FHIT: variants seen among roughly 807,000 people sequenced by gnomAD.
FHIT encodes the protein fragile histidine triad diadenosine triphosphatase, also known as bis(5'-adenosyl)-triphosphatase.
Under a neutral mutation model 17.9 loss-of-function variants are expected in FHIT, and 19 were observed. The ratio of observed to expected loss-of-function variants is 1.06; its 90% confidence interval spans 0.74 to 1.56. The LOEUF (loss-of-function observed/expected upper bound fraction) is 1.56. Ranked by LOEUF, FHIT falls within the 40% of genes most tolerant of loss-of-function variation. The probability of loss-of-function intolerance (pLI) is 0.00; values close to 1 mark genes in which losing one functional copy is unlikely to be tolerated. For synonymous variants in FHIT, 81 were observed against 69.7 expected (o/e 1.16, Z -0.81); for missense variants, 248 against 189.2 (o/e 1.31, Z -1.82).
intron 5 of FHIT, among the ~76,000 whole-genome samples, chr3:60,306,667 G>T (rs1252350935): frequency 6.6e-6 from 1 of 152,094 alleles, no homozygotes; most frequent in Non-Finnish European, 1.5e-5. Flanking sequence ...AAATTAAAAT[G>T]GGTCTCTTTG....
At chr3:59,962,853 A>T (rs1188091746) in intron 7 of FHIT, among the ~76,000 whole-genome samples, 1 of 152,222 alleles carries the variant, frequency 6.6e-6, no homozygotes, top group Non-Finnish European at 1.5e-5. Context: ...AGAACAACTG[A>T]ATCCATCAAT....
intron 5 of FHIT, among the ~76,000 whole-genome samples, chr3:60,050,578 C>G (rs1701831204): frequency 6.8e-6 from 1 of 147,612 alleles, no homozygotes; most frequent in Non-Finnish European, 1.5e-5. Context: ...GTTCCCAGAC[C>G]TCTACTGCAA....
intron 8 of FHIT, among the ~76,000 whole-genome samples, chr3:59,835,795 T>C (rs145323503): frequency 8.5e-4 from 129 of 152,294 alleles, no homozygotes; most frequent in African/African-American, 2.7e-3. Flanking sequence ...AGTTGATTAG[T>C]TCCTTGCCAG....
chr3:60,404,565 T>G (rs371591439), intron 5 of FHIT, among the ~76,000 whole-genome samples: 137 of 152,308 alleles, frequency 9.0e-4, no homozygotes, highest in Middle Eastern at 3.4e-3. Context: ...AGATAGCTCT[T>G]TGATCCTCTC....
At chr3:59,808,955 A>T (rs1700309214) in intron 8 of FHIT, among the ~76,000 whole-genome samples, 6 of 152,198 alleles carry the variant, frequency 3.9e-5, no homozygotes, top group Admixed American at 3.9e-4. Flanking sequence ...TTTAAAAAGC[A>T]GAGAGGAAAC....
intron 3 of FHIT, among the ~76,000 whole-genome samples, chr3:60,852,702 A>G (rs1359361646): frequency 1.3e-5 from 2 of 152,116 alleles, no homozygotes; most frequent in African/African-American, 4.8e-5. Context: ...AGTAGTTACT[A>G]ATGCCAAATA....
At chr3:60,791,125 G>A (rs1700762901) in intron 4 of FHIT, among the ~76,000 whole-genome samples, 1 of 152,168 alleles carries the variant, frequency 6.6e-6, no homozygotes, top group African/African-American at 2.4e-5. Flanking sequence ...TAGAGTAGGA[G>A]AGAAGAGGGA....
chr3:60,356,274 A>C (rs559012981), intron 5 of FHIT, among the ~76,000 whole-genome samples: 3 of 152,186 alleles, frequency 2.0e-5, no homozygotes, highest in Non-Finnish European at 4.4e-5. Context: ...TACTAAGCAC[A>C]TCCTCCATTG....
chr3:59,914,175 T>C (rs1366468871), intron 8 of FHIT, among the ~76,000 whole-genome samples: 2 of 150,900 alleles, frequency 1.3e-5, no homozygotes, highest in Non-Finnish European at 2.9e-5. Context: ...ATGTAACTAT[T>C]ATAAAACATT....
chr3:60,197,776 C>T (rs1702713342), intron 5 of FHIT, among the ~76,000 whole-genome samples: 1 of 152,180 alleles, frequency 6.6e-6, no homozygotes, highest in Non-Finnish European at 1.5e-5. Context: ...GCCCTTAGTT[C>T]TGGCTTATAA....
intron 2 of FHIT, among the ~76,000 whole-genome samples, chr3:61,057,211 G>A (rs1373846572): frequency 6.6e-6 from 1 of 152,190 alleles, no homozygotes; most frequent in Non-Finnish European, 1.5e-5. Flanking sequence ...TTGTCATTTT[G>A]ATTGCATGTA....
chr3:61,218,125 G>C (rs774500652), intron 1 of FHIT, among the ~76,000 whole-genome samples: 1 of 152,174 alleles, frequency 6.6e-6, no homozygotes, highest in Non-Finnish European at 1.5e-5. Context: ...CTGTAAGTAG[G>C]AAGTAACTGC....
chr3:60,560,857 A>AGAGAGT (rs1272768614), intron 4 of FHIT, among the ~76,000 whole-genome samples: 3 of 143,106 alleles, frequency 2.1e-5, no homozygotes, highest in Non-Finnish European at 4.6e-5. Context: ...AGAGAGAGAG[A>AGAGAGT]GTGTGTGTGT....
At chr3:60,107,346 T>C (rs1192908942) in intron 5 of FHIT, among the ~76,000 whole-genome samples, 1 of 152,098 alleles carries the variant, frequency 6.6e-6, no homozygotes, top group East Asian at 1.9e-4. Context: ...AAAATACAGA[T>C]ATACAATTCA....
At chr3:61,047,031 A>G (rs1051852904) in intron 2 of FHIT, among the ~76,000 whole-genome samples, 1 of 152,240 alleles carries the variant, frequency 6.6e-6, no homozygotes, top group Non-Finnish European at 1.5e-5. Context: ...CCCACAGCCA[A>G]TATCATACCG....
At chr3:60,598,725 C>T (rs1553667618) in intron 4 of FHIT, among the ~76,000 whole-genome samples, 3 of 152,048 alleles carry the variant, frequency 2.0e-5, no homozygotes, top group Non-Finnish European at 4.4e-5. Flanking sequence ...TTTCAGATAC[C>T]GCTTCTGAGT....
chr3:60,105,586 C>A (rs992558294), intron 5 of FHIT, among the ~76,000 whole-genome samples: 1 of 152,294 alleles, frequency 6.6e-6, no homozygotes, highest in Non-Finnish European at 1.5e-5. Flanking sequence ...CTGTGTGTCA[C>A]TACTCAGCTA....
rs531727224 is a variant in FHIT, at chr3:59,761,625, G to A, written c.349-9304C>T. Among the ~76,000 whole-genome samples the A allele has an allele frequency of 4.0e-5, 6 of 148,944 alleles. No individual in the cohort carries two copies. The South Asian group carries it at 8.4e-4, about 21-fold the overall frequency. ...CAATTTATTTTATTTTTTTTTTTTC[G>A]AGATGGAGTCTTGCTCTGTTGCCCA... On this transcript the variant is annotated intron_variant, in intron 8 of 9. Coordinates refer to ENST00000492590, the MANE Select transcript of FHIT (RefSeq NM_002012.4).
chr3:61,076,169 T>C (rs2034964969), intron 2 of FHIT, among the ~76,000 whole-genome samples: 1 of 152,182 alleles, frequency 6.6e-6, no homozygotes, highest in South Asian at 2.1e-4. Flanking sequence ...TAATCTGCGA[T>C]ATCAACCCCT....
Sources: allele counts gnomAD v4.1 joint callset (sites outside exome capture counted in the v4.1 genomes callset), GRCh38; gene constraint gnomAD v4.1.1; transcripts MANE v1.5; gene names NCBI Gene and HGNC (gene_info 2026-07-23, HGNC 2026-07-21).